CREBBP: variants seen among roughly 807,000 people sequenced by gnomAD.
CREBBP encodes the protein CREB-binding protein.
A neutral mutation model predicts 265.0 loss-of-function variants in CREBBP; 19 were observed. The observed-to-expected ratio is 0.07, with a 90% CI of 0.05 to 0.11. CREBBP has a LOEUF of 0.11. Ranked by LOEUF, CREBBP falls within the 10% of genes least tolerant of loss-of-function variation. The pLI, the probability that CREBBP is intolerant of heterozygous loss-of-function variation, is 1.00. For synonymous variants in CREBBP, 1,457 were observed against 1,223.7 expected, an observed-to-expected ratio of 1.19 and a Z score of -3.98; for missense variants, 2,525 against 3,219.0, an observed-to-expected ratio of 0.78 and a Z score of 5.22.
At chr16:3,878,808 G>C (rs1053935809) in intron 1 of CREBBP, among the ~76,000 whole-genome samples, 7 of 152,194 alleles carry the variant, frequency 4.6e-5, no homozygotes, top group African/African-American at 1.7e-4. Context: ...CGGCAAAGGA[G>C]AGAGCTCTAA....
At position 3,727,312 on chromosome 16, in the gene CREBBP, T is replaced by C. The variant is rs2151296846; in HGVS notation, c.*406A>G. 1 of 266,940 alleles carries C rather than the reference T, an allele frequency of 3.7e-6. No homozygotes were observed. The highest frequency in any genetic ancestry group is 8.6e-5 in the South Asian group (1 of 11,572). The allele number at this position is 266,940 out of a possible 1,614,324, so 16.5% of individuals were successfully genotyped here. A position where few individuals can be genotyped will look rare whatever the true frequency, so the allele number is the denominator to read the frequency against. The stretch of plus-strand genomic sequence containing the variant: ...CAGGAATCAGTTCTGAATATTATTT[T>C]TCTTCTTACTTTTAAACATAAATGT... On this transcript the variant is annotated 3_prime_UTR_variant, in exon 31 of 31. Coordinates refer to ENST00000262367, the MANE Select transcript of CREBBP (RefSeq NM_004380.3).
chr16:3,748,374 G>A (rs1354862132), intron 21 of CREBBP, among the ~76,000 whole-genome samples: 1 of 152,206 alleles, frequency 6.6e-6, no homozygotes, highest in Non-Finnish European at 1.5e-5. Flanking sequence ...AAGGTGGAAA[G>A]TCAGGAAAAA....
Position 3,736,168 on chromosome 16 carries a change from G to A in CREBBP, c.4596C>T (p.Thr1532=), listed in dbSNP as rs1199792040. The A allele has an allele frequency of 1.2e-6, 2 of 1,614,230 alleles. No individual in the cohort carries two copies. Among genetic ancestry groups the A allele is most frequent in the East Asian group, 2.2e-5 (1 of 44,886 alleles). ...IFKQATEDRL[T]SAKELPYFEG... ...CAAAATAGGGCAGTTCCTTGGCACT[G>A]GTGAGCCTGTCTTCAGTTGCTTGTT... Residue 1532 remains threonine (T), a synonymous_variant, in exon 28 of 31, where the codon ACC becomes ACT. Coordinates refer to ENST00000262367, the MANE Select transcript of CREBBP (RefSeq NM_004380.3).
chr16:3,788,877 G>A (rs907568764), intron 5 of CREBBP, among the ~76,000 whole-genome samples: 22 of 152,294 alleles, frequency 1.4e-4, no homozygotes, highest in Middle Eastern at 3.4e-3. Flanking sequence ...GCTTGAGCCC[G>A]AGAGGTTGAG....
At position 3,727,661 on chromosome 16, in the gene CREBBP, A is replaced by AT; in HGVS notation, c.*56dup. 6.2e-7 allele frequency: 1 copy of AT among 1,613,562 alleles called. No homozygotes were observed. The highest frequency in any genetic ancestry group is 8.5e-7 in the Non-Finnish European group (1 of 1,179,990). ...GAATAAAAAGAACCTAGATGCCTGG[A>AT]TTTTCAGTACAAAAGGTCCAAGAAC... is the stretch of plus-strand genomic sequence containing the variant. On this transcript the variant is annotated 3_prime_UTR_variant, in exon 31 of 31. Transcript: ENST00000262367.
In CREBBP at chr16:3,778,763, C is replaced by T. The variant is rs2141237727; in HGVS notation, c.1878G>A (p.Met626Ile). Residue 626 changes from methionine to isoleucine, a missense_variant, in exon 9 of 31, where the codon ATG (methionine) becomes ATA (isoleucine). Physicochemically the swap from Met to Ile is conservative, Grantham distance 10 (BLOSUM62 1). This residue lies in a region of CREBBP where 29 missense variants were observed against 99.9 expected (regional missense o/e 0.29). Transcript: ENST00000262367. Reference protein sequence around the residue: ...PDPAALKDRRMENLVAYAKKV... With the variant: ...PDPAALKDRRIENLVAYAKKV... ...TCTTAGCATAGGCTACCAGGTTTTC[C>T]ATGCGGCGATCCTTTAGAGCTGCGG... is the stretch of plus-strand genomic sequence containing the variant. The T allele has an allele frequency of 6.2e-7, 1 of 1,614,116 alleles. No homozygotes were observed. The highest frequency in any genetic ancestry group is 8.5e-7 in the Non-Finnish European group (1 of 1,179,972).
intron 16 of CREBBP, 164 bp downstream of exon 16, chr16:3,767,556 T>A: frequency 2.2e-6 from 2 of 921,002 alleles, no homozygotes; most frequent in Non-Finnish European, 1.6e-6. Flanking sequence ...GGGGTCCTGC[T>A]CAGCCTGAGT....
intron 1 of CREBBP, among the ~76,000 whole-genome samples, chr16:3,860,714 G>A (rs1370063866): frequency 6.6e-6 from 1 of 151,996 alleles, no homozygotes; most frequent in Non-Finnish European, 1.5e-5. Context: ...GATCCAGCAA[G>A]GGCAAAGCAT....
Position 3,728,205 on chromosome 16 carries a change from G to A in CREBBP, c.6842C>T (p.Ala2281Val). The A allele has an allele frequency of 1.9e-6, 3 of 1,613,694 alleles. No individual in the cohort carries two copies. The highest frequency in any genetic ancestry group is 2.5e-6 in the Non-Finnish European group (3 of 1,179,984). ...LGQMGQPGLGADSTPNIQQAL... is the reference protein window; with the variant it reads ...LGQMGQPGLGVDSTPNIQQAL... ...TTGCTGGATGTTGGGGGTGCTGTCT[G>A]CCCCCAGCCCCGGCTGCCCCATCTG... is the stretch of plus-strand genomic sequence containing the variant. The change falls in exon 31 of 31, where the codon GCA becomes GTA. Residue 2281 changes from alanine to valine, a missense_variant. Ala to Val is a moderately conservative substitution (Grantham distance 64). This residue lies in a region of CREBBP where 473 missense variants were observed against 459.3 expected (regional missense o/e 1.03). Coordinates refer to ENST00000262367, the MANE Select transcript of CREBBP (RefSeq NM_004380.3). The surrounding 1 kb of genome is among the most constrained non-coding windows in gnomAD (Gnocchi z 8.7).
chr16:3,749,551 A>G, intron 21 of CREBBP, 76 bp downstream of exon 21: 2 of 969,580 alleles, frequency 2.1e-6, no homozygotes, highest in African/African-American at 1.6e-5. Flanking sequence ...TTTTACCCAC[A>G]ACCCACTCCA....
intron 3 of CREBBP, among the ~76,000 whole-genome samples, chr16:3,795,778 T>A (rs1020836767): frequency 1.3e-5 from 2 of 152,022 alleles, no homozygotes; most frequent in Non-Finnish European, 2.9e-5. Context: ...TATGGAGGAA[T>A]GGGAGAAACA....
At chr16:3,773,381 A>C (rs2053060826) in intron 13 of CREBBP, among the ~76,000 whole-genome samples, 1 of 152,218 alleles carries the variant, frequency 6.6e-6, no homozygotes, top group Non-Finnish European at 1.5e-5. Flanking sequence ...GAGTGAATTC[A>C]TGGGTCCTTC....
At chr16:3,777,413 A>T (rs1360944190) in intron 11 of CREBBP, among the ~76,000 whole-genome samples, 200 bp downstream of exon 11, 1 of 152,182 alleles carries the variant, frequency 6.6e-6, no homozygotes, top group Non-Finnish European at 1.5e-5. Context: ...TATCTCTTGG[A>T]AGATCTTTCC....
In CREBBP at chr16:3,725,367, C is replaced by T. The variant is rs1482764521; in HGVS notation, c.*2351G>A. 4.3e-6 allele frequency: 1 copy of T among 233,212 alleles called. No homozygotes were observed. The highest frequency in any genetic ancestry group is 6.0e-5 in the East Asian group (1 of 16,608). 14.4% of individuals were successfully genotyped at this position (233,212 alleles called of 1,614,324 possible). A position where few individuals can be genotyped will look rare whatever the true frequency, so the allele number is the denominator to read the frequency against. On this transcript the variant is annotated 3_prime_UTR_variant, in exon 31 of 31. Transcript: ENST00000262367. Reference sequence around the variant, plus strand: ...CCAGGATAACCTGAAACAGAGGCCCCTCCACTGCCCACATTAAAAGGCTGC... The same window carrying T: ...CCAGGATAACCTGAAACAGAGGCCCTTCCACTGCCCACATTAAAAGGCTGC...
rs146683825 is a variant in CREBBP at position 3,875,274 on chromosome 16, G to A, written c.85+4558C>T. Reference sequence around the variant, plus strand: ...GTCCTTGCCTACCTTCATCCCTGACGACCTTTGAATGGGGCCACCGCTCTC... The same window carrying A: ...GTCCTTGCCTACCTTCATCCCTGACAACCTTTGAATGGGGCCACCGCTCTC... On this transcript the variant is annotated intron_variant, in intron 1 of 30. Coordinates refer to ENST00000262367, the MANE Select transcript of CREBBP (RefSeq NM_004380.3). Among the ~76,000 whole-genome samples the A allele has an allele frequency of 1.4e-3, 220 of 152,224 alleles. 3 individuals are homozygous for A. Among genetic ancestry groups the A allele is most frequent in the Non-Finnish European group, 2.0e-3 (135 of 68,008 alleles).
intron 5 of CREBBP, among the ~76,000 whole-genome samples, chr16:3,787,780 A>T (rs1314491234): frequency 2.6e-5 from 4 of 152,004 alleles, no homozygotes; most frequent in African/African-American, 9.7e-5. Flanking sequence ...CTCCTGCCTC[A>T]GCCTCCCACC....
intron 1 of CREBBP, among the ~76,000 whole-genome samples, chr16:3,876,917 C>G (rs978756126): frequency 6.6e-6 from 1 of 152,224 alleles, no homozygotes; most frequent in African/African-American, 2.4e-5. Flanking sequence ...TCCATGCCCC[C>G]AGATGAGCAG....
chr16:3,836,692 C>CT (rs762218669), intron 2 of CREBBP, among the ~76,000 whole-genome samples: 19 of 152,104 alleles, frequency 1.2e-4, no homozygotes, highest in Non-Finnish European at 2.6e-4. Context: ...ATAGGTAGGT[C>CT]TTTAACTCCA....
At chr16:3,846,469 G>C (rs1025049353) in intron 2 of CREBBP, among the ~76,000 whole-genome samples, 7 of 152,188 alleles carry the variant, frequency 4.6e-5, no homozygotes, top group Admixed American at 4.6e-4. Context: ...TTATCTAGCA[G>C]ATATGGTCAC....
Sources: allele counts gnomAD v4.1 joint callset (sites outside exome capture counted in the v4.1 genomes callset), GRCh38; gene constraint gnomAD v4.1.1; regional missense constraint gnomAD v4.1.1; non-coding constraint Gnocchi (gnomAD v3.1); transcripts MANE v1.5; gene names NCBI Gene and HGNC (gene_info 2026-07-23, HGNC 2026-07-21).